Variants in DAGLB observed in about 807,000 individuals in gnomAD.
DAGLB encodes diacylglycerol lipase beta.
In DAGLB, 66 loss-of-function variants were observed where a neutral mutation model predicts 72.1. That is an observed-to-expected ratio of 0.92 (90% CI 0.75 to 1.12). The LOEUF is 1.12. DAGLB is among the 50% of genes most tolerant of loss of function. The probability of loss-of-function intolerance (pLI) is 0.00; values close to 1 mark genes in which losing one functional copy is unlikely to be tolerated. For synonymous variants in DAGLB, 414 were observed against 359.5 expected (o/e 1.15, Z -1.71); for missense variants, 1,065 against 884.9 (o/e 1.20, Z -2.58).
intron 5 of DAGLB, among the ~76,000 whole-genome samples, chr7:6,432,099 C>T (rs1299465968): frequency 6.6e-6 from 1 of 152,144 alleles, no homozygotes; most frequent in Non-Finnish European, 1.5e-5. Flanking sequence ...GCCTGTAATC[C>T]CAGCACTCTG....
intron 8 of DAGLB, among the ~76,000 whole-genome samples, chr7:6,424,438 C>T (rs186049455): frequency 1.8e-4 from 28 of 152,184 alleles, no homozygotes; most frequent in African/African-American, 6.3e-4. Context: ...GGAGGGCTCC[C>T]GGGTGTGGGG....
At chr7:6,438,291 G>A (rs941616194) in intron 2 of DAGLB, among the ~76,000 whole-genome samples, 5 of 151,990 alleles carry the variant, frequency 3.3e-5, no homozygotes, top group Non-Finnish European at 7.4e-5. Flanking sequence ...CATGGCACAT[G>A]TACACATATG....
At chr7:6,446,134 A>C in intron 1 of DAGLB, 30 bp from the exon 2 acceptor site, 1 of 1,582,410 alleles carries the variant, frequency 6.3e-7, no homozygotes, top group Non-Finnish European at 8.6e-7. Flanking sequence ...GAAGGGTCAG[A>C]AATGAAATCC....
In DAGLB at chr7:6,447,919, G is replaced by A; in HGVS notation, c.-77C>T. On this transcript the variant is annotated 5_prime_UTR_variant, in exon 1 of 15. Coordinates refer to ENST00000297056, the MANE Select transcript of DAGLB (RefSeq NM_139179.4). ...GAGAACAAACCAGCACCCTCCGGAC[G>A]CCGCCACCAAATTATCGGCGCTCAA... 2 of 1,477,492 alleles carry A rather than the reference G, an allele frequency of 1.4e-6. No homozygotes were observed. Among genetic ancestry groups the A allele is most frequent in the South Asian group, 1.3e-5 (1 of 78,646 alleles). The allele number at this position is 1,477,492 out of a possible 1,614,324, so 91.5% of individuals were successfully genotyped here.
At chr7:6,441,076 G>A (rs1784815344) in intron 2 of DAGLB, among the ~76,000 whole-genome samples, 1 of 148,142 alleles carries the variant, frequency 6.8e-6, no homozygotes. Context: ...ATGACGTTAT[G>A]TGTAACAAAC....
In DAGLB at chr7:6,441,479, G is replaced by A. The variant is rs561490518; in HGVS notation, c.247+4474C>T. On this transcript the variant is annotated intron_variant, in intron 2 of 14. Coordinates refer to ENST00000297056, the MANE Select transcript of DAGLB (RefSeq NM_139179.4). The stretch of plus-strand genomic sequence containing the variant: ...GTCGTCCAGGCTGGAGTGCAATGGC[G>A]CGATCTCGGCTCACTGCAACCTCCG... 1.1e-4 allele frequency among the ~76,000 whole-genome samples: 16 copies of A among 148,628 alleles called. No homozygotes were observed. In the East Asian group the frequency reaches 3.2e-3, roughly 29 times the overall value.
rs904286075 is a variant in DAGLB at position 6,434,829 on chromosome 7, A to G, written c.611T>C (p.Ile204Thr). Residue 204 changes from isoleucine to threonine, a missense_variant, in exon 4 of 15, where the codon ATT (isoleucine) becomes ACT (threonine). Physicochemically the swap from Ile to Thr is moderately conservative, Grantham distance 89 (BLOSUM62 -1). Transcript: ENST00000297056. ...AACCCGAGTATGGTCGTCTTTCCCA[A>G]TGCAACAGCACAAGAGCTTGATTCT... ...ETRIKLLCCC[I>T]GKDDHTRVAF... is the part of the protein sequence containing the mutation. 18 of 1,614,052 alleles carry G rather than the reference A, an allele frequency of 1.1e-5. No individual in the cohort carries two copies. Among genetic ancestry groups the G allele is most frequent in the Admixed American group, 1.0e-4 (6 of 59,980 alleles).
At chr7:6,421,287 T>C (rs1784109152) in intron 9 of DAGLB, among the ~76,000 whole-genome samples, 1 of 147,048 alleles carries the variant, frequency 6.8e-6, no homozygotes, top group African/African-American at 2.6e-5. Flanking sequence ...TCCCACAGCC[T>C]CCCAGGGCTG....
intron 11 of DAGLB, among the ~76,000 whole-genome samples, chr7:6,415,973 C>T (rs1484413011): frequency 6.6e-6 from 1 of 151,588 alleles, no homozygotes; most frequent in Non-Finnish European, 1.5e-5. Flanking sequence ...ACTACGGGCT[C>T]TGGGCGATGT....
intron 5 of DAGLB, among the ~76,000 whole-genome samples, chr7:6,431,627 C>T (rs1333818882): frequency 6.6e-6 from 1 of 152,022 alleles, no homozygotes; most frequent in Non-Finnish European, 1.5e-5. Flanking sequence ...CAAAAATTAG[C>T]TGGGCATGGT....
chr7:6,422,268 G>A, intron 8 of DAGLB: 1 of 299,656 alleles, frequency 3.3e-6, no homozygotes, highest in South Asian at 2.8e-5. Flanking sequence ...CAGCTCCCTG[G>A]AGGAGGTGAC....
At chr7:6,411,965 A>T (rs1277738319) in intron 13 of DAGLB, among the ~76,000 whole-genome samples, 2 of 98,506 alleles carry the variant, frequency 2.0e-5, no homozygotes, top group African/African-American at 1.2e-4. Context: ...ACTCTATCCA[A>T]CAGGCTGGAG....
chr7:6,424,925 G>T, intron 7 of DAGLB, 90 bp from the exon 8 acceptor site: 1 of 1,292,456 alleles, frequency 7.7e-7, no homozygotes, highest in Non-Finnish European at 1.1e-6. Flanking sequence ...TGCAATGACA[G>T]CCCAAGTCCT....
At chr7:6,439,540 C>T (rs1389996610) in intron 2 of DAGLB, among the ~76,000 whole-genome samples, 1 of 152,202 alleles carries the variant, frequency 6.6e-6, no homozygotes, top group African/African-American at 2.4e-5. Context: ...ATGCTGCAAT[C>T]TTCTCTGACC....
At chr7:6,439,430 T>A (rs1391683985) in intron 2 of DAGLB, among the ~76,000 whole-genome samples, 1 of 152,148 alleles carries the variant, frequency 6.6e-6, no homozygotes, top group Admixed American at 6.6e-5. Flanking sequence ...CTGTCTTGGT[T>A]AAGTAACCCT....
At chr7:6,423,212 C>T (rs1330514492) in intron 8 of DAGLB, among the ~76,000 whole-genome samples, 6 of 152,214 alleles carry the variant, frequency 3.9e-5, no homozygotes, top group South Asian at 4.1e-4. Context: ...ACTGTACCAT[C>T]GTACTCCACC....
At chr7:6,420,642 G>A (rs73676738) in intron 9 of DAGLB, among the ~76,000 whole-genome samples, 1,896 of 152,188 alleles carry the variant, frequency 0.012, 41 homozygotes, top group African/African-American at 0.044. Flanking sequence ...ACGGGTTCAC[G>A]GCACTGTGAA....
intron 11 of DAGLB, among the ~76,000 whole-genome samples, chr7:6,414,846 GC>G (rs1186603379): frequency 6.6e-6 from 1 of 152,062 alleles, no homozygotes; most frequent in Non-Finnish European, 1.5e-5. Context: ...CTCATTTCAA[GC>G]CCAAAACTTG....
chr7:6,426,329 G>C (rs1784309329), intron 6 of DAGLB, among the ~76,000 whole-genome samples: 1 of 152,214 alleles, frequency 6.6e-6, no homozygotes, highest in South Asian at 2.1e-4. Context: ...GAGTACCGTG[G>C]TACAATCTCA....
Sources: gnomAD v4.1 joint callset for allele counts (sites outside exome capture counted in the v4.1 genomes callset) on GRCh38, gnomAD v4.1.1 for gene constraint, MANE v1.5 for transcripts, NCBI Gene and HGNC (gene_info 2026-07-23, HGNC 2026-07-21) for gene names.